The following UNC5C variants were observed in gnomAD, a reference collection of about 807,000 sequenced individuals.
UNC5C encodes netrin receptor UNC5C.
A neutral mutation model predicts 99.8 loss-of-function variants in UNC5C; 47 were observed. The observed-to-expected ratio is 0.47, with a 90% CI of 0.37 to 0.60. The LOEUF is 0.60. Ranked by LOEUF, UNC5C falls within the 20% of genes least tolerant of loss-of-function variation. The pLI, the probability that UNC5C is intolerant of heterozygous loss-of-function variation, is 0.00. For missense variants in UNC5C, 1,062 were observed against 1,165.9 expected (o/e 0.91, Z 1.30); for synonymous variants, 487 against 452.2 (o/e 1.08, Z -0.98).
chr4:95,188,887 G>A (rs1736950477), intron 12 of UNC5C, among the ~76,000 whole-genome samples: 1 of 152,188 alleles, frequency 6.6e-6, no homozygotes, highest in Non-Finnish European at 1.5e-5. Context: ...GTTCATGGGG[G>A]TTGGGGGGTG....
At chr4:95,399,589 C>T (rs1313708242) in intron 1 of UNC5C, among the ~76,000 whole-genome samples, 1 of 152,084 alleles carries the variant, frequency 6.6e-6, no homozygotes, top group Non-Finnish European at 1.5e-5. Context: ...GGTATTTTTC[C>T]ATTTTCTCCG....
chr4:95,291,300 A>T (rs1427085529), intron 3 of UNC5C, among the ~76,000 whole-genome samples: 2 of 152,320 alleles, frequency 1.3e-5, no homozygotes, highest in East Asian at 3.9e-4. Flanking sequence ...AACTTTATGG[A>T]TGAGGAAACT....
intron 1 of UNC5C, among the ~76,000 whole-genome samples, chr4:95,523,793 C>T (rs959588327): frequency 3.3e-5 from 5 of 152,132 alleles, no homozygotes; most frequent in African/African-American, 1.2e-4. Context: ...AAATCAAATT[C>T]AAACAATGTT....
chr4:95,243,143 T>A (rs1271631948), intron 6 of UNC5C, among the ~76,000 whole-genome samples: 1 of 152,200 alleles, frequency 6.6e-6, no homozygotes. Flanking sequence ...ACTTTTTTCA[T>A]CTGGCCTGCT....
intron 4 of UNC5C, among the ~76,000 whole-genome samples, chr4:95,264,841 C>G (rs1740380527): frequency 6.6e-6 from 1 of 152,212 alleles, no homozygotes. Context: ...TGAAAAGCCT[C>G]CCTCTGCTGT....
chr4:95,229,877 C>A (rs1180174089), intron 7 of UNC5C, among the ~76,000 whole-genome samples: 21 of 125,996 alleles, frequency 1.7e-4, no homozygotes, highest in South Asian at 2.7e-4. Context: ...GTGGCACGAT[C>A]TTGGCTCACT....
At chr4:95,402,652 C>T (rs918814973) in intron 1 of UNC5C, among the ~76,000 whole-genome samples, 4 of 152,180 alleles carry the variant, frequency 2.6e-5, no homozygotes, top group Admixed American at 2.6e-4. Context: ...TATAGCAACC[C>T]TCTATCACTA....
chr4:95,240,325 A>G (rs897694884), intron 7 of UNC5C, among the ~76,000 whole-genome samples: 1 of 152,210 alleles, frequency 6.6e-6, no homozygotes, highest in Non-Finnish European at 1.5e-5. Flanking sequence ...ATGCTGTCCC[A>G]GATACACTAA....
intron 13 of UNC5C, among the ~76,000 whole-genome samples, chr4:95,184,196 C>CATGA (rs1736735124): frequency 6.6e-6 from 1 of 152,130 alleles, no homozygotes; most frequent in Non-Finnish European, 1.5e-5. Context: ...CGTCAAAGCT[C>CATGA]ATGATTGTTA....
At chr4:95,359,736 C>T (rs1744326990) in intron 1 of UNC5C, among the ~76,000 whole-genome samples, 1 of 152,084 alleles carries the variant, frequency 6.6e-6, no homozygotes, top group Admixed American at 6.6e-5. Context: ...GTAAACATGA[C>T]ACTGCCTCCC....
intron 1 of UNC5C, among the ~76,000 whole-genome samples, chr4:95,430,859 T>C (rs1746617147): frequency 6.6e-6 from 1 of 152,046 alleles, no homozygotes; most frequent in South Asian, 2.1e-4. Context: ...GCTCCACAGC[T>C]TACAGAAGTC....
intron 2 of UNC5C, among the ~76,000 whole-genome samples, chr4:95,302,068 C>G (rs72891942): frequency 0.011 from 1,669 of 152,234 alleles, 46 homozygotes; most frequent in African/African-American, 0.038. Context: ...GAAATATAAA[C>G]TTGAGTTTCA....
In UNC5C at chr4:95,530,693, T is replaced by C. The variant is rs1722617358; in HGVS notation, c.124+18041A>G. 2.0e-5 allele frequency among the ~76,000 whole-genome samples: 3 copies of C among 152,202 alleles called. No homozygotes were observed. The South Asian group carries it at 6.2e-4, about 32-fold the overall frequency. ...CAATTGACATTTAACAGTTCCTTTA[T>C]AACATGATTACAAGTTTCTATCGAA... On this transcript the variant is annotated intron_variant, in intron 1 of 15. Coordinates refer to ENST00000453304, the MANE Select transcript of UNC5C (RefSeq NM_003728.4).
chr4:95,292,266 T>TAA (rs1553961232), intron 3 of UNC5C, among the ~76,000 whole-genome samples: 583 of 58,090 alleles, frequency 0.01, 4 homozygotes, highest in South Asian at 0.02. Context: ...TATATATATA[T>TAA]AAATTTTTTT....
At chr4:95,522,906 G>A (rs59521036) in intron 1 of UNC5C, among the ~76,000 whole-genome samples, 40,367 of 151,948 alleles carry the variant, frequency 0.27, 6,530 homozygotes, top group Non-Finnish European at 0.35. Flanking sequence ...CCAGGGACCA[G>A]AGCAAAGCAC....
chr4:95,539,072 C>G lies in UNC5C; in HGVS notation c.124+9662G>C, dbSNP rs200671474. On this transcript the variant is annotated intron_variant, in intron 1 of 15. Coordinates refer to ENST00000453304, the MANE Select transcript of UNC5C (RefSeq NM_003728.4). ...CAGAGAAGAACAGTACAACTGACCTCTTCTTCAATCAGCCCACATGAGAGG... is the reference window on the plus strand; with the variant it reads ...CAGAGAAGAACAGTACAACTGACCTGTTCTTCAATCAGCCCACATGAGAGG... Among the ~76,000 whole-genome samples, 13 of 152,326 alleles carry G rather than the reference C, an allele frequency of 8.5e-5. No homozygotes were observed. The East Asian group carries it at 2.3e-3, about 27-fold the overall frequency.
At chr4:95,479,365 A>T (rs1311305886) in intron 1 of UNC5C, among the ~76,000 whole-genome samples, 1 of 151,948 alleles carries the variant, frequency 6.6e-6, no homozygotes, top group Non-Finnish European at 1.5e-5. Flanking sequence ...AGACCATTGG[A>T]TAGATCCCTG....
chr4:95,411,729 G>C (rs1745999283), intron 1 of UNC5C, among the ~76,000 whole-genome samples: 1 of 152,116 alleles, frequency 6.6e-6, no homozygotes, highest in Admixed American at 6.5e-5. Context: ...ATACTAGTTG[G>C]CTAAGTGATA....
intron 1 of UNC5C, among the ~76,000 whole-genome samples, chr4:95,493,548 A>T (rs148112745): frequency 1.3e-5 from 2 of 151,494 alleles, no homozygotes; most frequent in African/African-American, 4.8e-5. Flanking sequence ...AAACTTTAAC[A>T]ATTTTTTTTA....
Sources: gnomAD v4.1 joint callset for allele counts (sites outside exome capture counted in the v4.1 genomes callset) on GRCh38, gnomAD v4.1.1 for gene constraint, MANE v1.5 for transcripts, NCBI Gene and HGNC (gene_info 2026-07-23, HGNC 2026-07-21) for gene names.